The following APAF1 variants were observed in gnomAD, a reference collection of about 807,000 sequenced individuals.
APAF1 encodes apoptotic protease-activating factor 1.
In APAF1, 91 loss-of-function variants were observed where a neutral mutation model predicts 152.4. The ratio of observed to expected loss-of-function variants is 0.60; its 90% CI spans 0.50 to 0.71. The LOEUF is 0.71. APAF1 is among the 30% of genes least tolerant of loss of function. APAF1 has a pLI of 0.00. For synonymous variants in APAF1, 484 were observed against 494.1 expected (o/e 0.98, Z 0.27); for missense variants, 1,283 against 1,472.0 (o/e 0.87, Z 2.10).
chr12:98,663,825 A>G (rs960201644), intron 7 of APAF1, among the ~76,000 whole-genome samples: 1 of 151,040 alleles, frequency 6.6e-6, no homozygotes, highest in East Asian at 2.0e-4. Context: ...TGCCTAGCTA[A>G]TTTTTGTATT....
chr12:98,662,146 G>C (rs1026783361), intron 5 of APAF1, among the ~76,000 whole-genome samples: 8 of 137,510 alleles, frequency 5.8e-5, no homozygotes, highest in Non-Finnish European at 9.3e-5. Context: ...AGTAATGGTC[G>C]CTTTTTTTTT....
chr12:98,670,912 T>G lies in APAF1; in HGVS notation c.1495-61T>G, dbSNP rs148165039. The stretch of plus-strand genomic sequence containing the variant: ...TCTTAGCAGTGTGAGGTTAATGATG[T>G]TATACCTAAAATTTTTTGATCTCTA... On this transcript the variant is annotated intron_variant, in intron 10 of 26. Coordinates refer to ENST00000551964, the MANE Select transcript of APAF1 (RefSeq NM_181861.2). The G allele has an allele frequency of 8.1e-5, 77 of 946,864 alleles. No individual in the cohort carries two copies. The African/African-American group carries it at 1.2e-3, about 15-fold the overall frequency. 58.7% of individuals were successfully genotyped at this position (946,864 alleles called of 1,614,324 possible).
Position 98,732,541 on chromosome 12 carries a change from T to A in APAF1, c.3722T>A (p.Leu1241Ter), listed in dbSNP as rs1433218417. ...TYVTVDNLGI[L>*]YILQTLE is the part of the protein sequence containing the mutation. ...GTGACTGTGGATAATCTTGGTATTT[T>A]ATATATTTTACAGACTTTAGAATAA... Residue 1241 changes from leucine (L) to a stop codon, truncating the protein, a stop_gained, in exon 27 of 27, where the codon TTA becomes TAA. Coordinates refer to ENST00000551964, the MANE Select transcript of APAF1 (RefSeq NM_181861.2). LOFTEE classifies it high-confidence loss of function. 1 of 1,571,490 alleles carries A rather than the reference T, an allele frequency of 6.4e-7. No individual in the cohort carries two copies. The highest frequency in any genetic ancestry group is 1.7e-5 in the Admixed American group (1 of 59,910).
intron 7 of APAF1, among the ~76,000 whole-genome samples, chr12:98,664,291 A>G (rs2097669430): frequency 6.6e-6 from 1 of 152,200 alleles, no homozygotes; most frequent in Admixed American, 6.6e-5. Context: ...TGCTGGGATT[A>G]CAGGCGTGAG....
intron 12 of APAF1, 94 bp from the exon 13 acceptor site, chr12:98,677,331 C>G: frequency 1.7e-5 from 22 of 1,306,016 alleles, no homozygotes; most frequent in South Asian, 6.2e-5. Context: ...GGGAACATAA[C>G]CATGTTAAAA....
intron 18 of APAF1, among the ~76,000 whole-genome samples, chr12:98,706,054 A>G (rs1259475404): frequency 1.3e-5 from 2 of 152,310 alleles, no homozygotes; most frequent in East Asian, 3.9e-4. Context: ...ATGCATATAT[A>G]TCCATACCTG....
chr12:98,732,085 G>A (rs1199415530), intron 26 of APAF1, among the ~76,000 whole-genome samples: 2 of 152,134 alleles, frequency 1.3e-5, no homozygotes, highest in Non-Finnish European at 1.5e-5. Context: ...CCATTCTCCC[G>A]AGAAGGACAT....
Position 98,662,481 on chromosome 12 carries a change from TG to T in APAF1, c.739del (p.Asp247ThrfsTer5). The T allele has an allele frequency of 6.2e-7, 1 of 1,613,492 alleles. No individual in the cohort carries two copies. Among genetic ancestry groups the T allele is most frequent in the Non-Finnish European group, 8.5e-7 (1 of 1,179,582 alleles). ...GTCTCTCTTGATCTTGGATGATGTT[TG>T]GGACTCTTGGGTGTTGAAAGCTTTT... ...PRSLLILDDV[W>X]DSWVLKAFDS... is the part of the protein sequence containing the mutation. On this transcript the variant is annotated frameshift_variant, in exon 6 of 27. Transcript: ENST00000551964. LOFTEE classifies it high-confidence loss of function.
chr12:98,671,199 C>A, intron 11 of APAF1, 113 bp downstream of exon 11: 1 of 743,234 alleles, frequency 1.3e-6, no homozygotes, highest in Non-Finnish European at 2.2e-6. Flanking sequence ...AAGATAATTT[C>A]CCTCCTTTGA....
intron 20 of APAF1, among the ~76,000 whole-genome samples, chr12:98,709,376 GAGA>G (rs936014974): frequency 1.3e-5 from 2 of 152,162 alleles, no homozygotes; most frequent in Non-Finnish European, 2.9e-5. Context: ...TAGCTGAAGA[GAGA>G]AGGAGTCCCA....
At chr12:98,673,478 G>A (rs191974277) in intron 12 of APAF1, among the ~76,000 whole-genome samples, 583 of 150,718 alleles carry the variant, frequency 3.9e-3, no homozygotes, top group Middle Eastern at 6.9e-3. Context: ...CCTTGGGTCT[G>A]CCTGGCTTTA....
intron 18 of APAF1, among the ~76,000 whole-genome samples, chr12:98,705,713 A>G (rs2097720658): frequency 6.6e-6 from 1 of 152,232 alleles, no homozygotes; most frequent in Non-Finnish European, 1.5e-5. Flanking sequence ...GAATAACAAG[A>G]GAAATGTGTA....
At position 98,708,568 on chromosome 12, in the gene APAF1, C is replaced by A. The variant is rs2097724359; in HGVS notation, c.2722-17C>A. The A allele has an allele frequency of 5.0e-6, 8 of 1,610,862 alleles. No individual in the cohort carries two copies. The African/African-American group carries it at 5.3e-5, about 11-fold the overall frequency. On this transcript the variant is annotated splice_polypyrimidine_tract_variant and intron_variant, in intron 19 of 26. Transcript: ENST00000551964. Reference sequence around the variant, plus strand: ...TATTTTAGAGATGGAATGATAATTTCTTTATCTCTTAATCAGCTCTGGGAG... The same window carrying A: ...TATTTTAGAGATGGAATGATAATTTATTTATCTCTTAATCAGCTCTGGGAG...
rs138188210 is a variant in APAF1 at position 98,725,431 on chromosome 12, T to G, written c.3347T>G (p.Leu1116Arg). ...GCCTTCCAGATCTGGAGTTTTGATCTCCTTTTGCCACTTCATGAATTGAGG... is the reference window on the plus strand; with the variant it reads ...GCCTTCCAGATCTGGAGTTTTGATCGCCTTTTGCCACTTCATGAATTGAGG... ...DKTAKIWSFD[L>R]LLPLHELRGH... The change falls in exon 25 of 27, where the codon CTC (leucine) becomes CGC (arginine). Residue 1116 changes from leucine (L) to arginine (R), a missense_variant. By Grantham distance (102) the Leu-to-Arg change is moderately radical. Coordinates refer to ENST00000551964, the MANE Select transcript of APAF1 (RefSeq NM_181861.2). The G allele has an allele frequency of 6.2e-7, 1 of 1,614,136 alleles. No homozygotes were observed. Among genetic ancestry groups the G allele is most frequent in the Non-Finnish European group, 8.5e-7 (1 of 1,180,016 alleles).
chr12:98,692,734 T>G (rs1262491899), intron 16 of APAF1, among the ~76,000 whole-genome samples: 1 of 152,242 alleles, frequency 6.6e-6, no homozygotes, highest in Non-Finnish European at 1.5e-5. Context: ...TTTATTCTTT[T>G]TTATGGCTGT....
At chr12:98,671,471 G>T in intron 11 of APAF1, 64 bp from the exon 12 acceptor site, 1 of 1,517,906 alleles carries the variant, frequency 6.6e-7, no homozygotes, top group Non-Finnish European at 9.1e-7. Context: ...CAAGATCACA[G>T]AAATGGAAAA....
chr12:98,678,875 A>G (rs1330258967), intron 13 of APAF1, among the ~76,000 whole-genome samples: 1 of 152,172 alleles, frequency 6.6e-6, no homozygotes, highest in Non-Finnish European at 1.5e-5. Flanking sequence ...GCTGATGAGC[A>G]TAGGAGGGAA....
At chr12:98,653,518 G>T (rs1013788726) in intron 4 of APAF1, among the ~76,000 whole-genome samples, 1 of 150,444 alleles carries the variant, frequency 6.6e-6, no homozygotes, top group Non-Finnish European at 1.5e-5. Flanking sequence ...TTTGCTGGGC[G>T]TGGTGGCGCA....
At chr12:98,680,458 C>T in intron 14 of APAF1, 56 bp downstream of exon 14, 2 of 1,573,006 alleles carry the variant, frequency 1.3e-6, no homozygotes, top group Non-Finnish European at 8.7e-7. Flanking sequence ...TTTTATTTTT[C>T]CATGATCATG....
Sources: gnomAD v4.1 joint callset for allele counts (sites outside exome capture counted in the v4.1 genomes callset) on GRCh38, gnomAD v4.1.1 for gene constraint, MANE v1.5 for transcripts, NCBI Gene and HGNC (gene_info 2026-07-23, HGNC 2026-07-21) for gene names.